ZDHHC24: variants seen among roughly 807,000 people sequenced by gnomAD.
ZDHHC24 encodes the protein probable palmitoyltransferase ZDHHC24.
Under a neutral mutation model 23.2 loss-of-function variants are expected in ZDHHC24, and 17 were observed. The observed-to-expected ratio is 0.73, with a 90% CI of 0.50 to 1.10. The LOEUF is 1.10. Ranked by LOEUF, ZDHHC24 falls within the 50% of genes least tolerant of loss-of-function variation. ZDHHC24 has a pLI of 0.00. For missense variants in ZDHHC24, 366 were observed against 393.0 expected, an observed-to-expected ratio of 0.93 and a Z score of 0.58; for synonymous variants, 186 against 194.5, an observed-to-expected ratio of 0.96 and a Z score of 0.36.
intron 4 of ZDHHC24, chr11:66,521,684 TCA>T (rs1856225036): frequency 2.5e-5 from 9 of 366,756 alleles, no homozygotes; most frequent in Admixed American, 1.5e-4. Flanking sequence ...GGCAAGCGGA[TCA>T]CCTGAGGTCA....
In ZDHHC24 at chr11:66,545,999, C is replaced by T. The variant is rs1857316332; in HGVS notation, c.5G>A (p.Gly2Glu). Residue 2 changes from glycine (G) to glutamate (E), a missense_variant, in exon 1 of 3, where the codon GGG (glycine) becomes GAG (glutamate). By Grantham distance (98) the Gly-to-Glu change is moderately conservative (BLOSUM62 -2). Coordinates refer to ENST00000310442, the MANE Select transcript of ZDHHC24 (RefSeq NM_207340.3). The surrounding 1 kb of genome is among the most constrained non-coding windows in gnomAD (Gnocchi z 4.5). ...CGTGCTCCCAGCCGCCCAGGGCTGC[C>T]CCATGGCCTGGACACCCAGCTGTCG... Reference protein sequence around the residue: MGQPWAAGSTDG... With the variant: MEQPWAAGSTDG... 2.1e-6 allele frequency: 3 copies of T among 1,395,938 alleles called. No individual in the cohort carries two copies. Among genetic ancestry groups the T allele is most frequent in the Non-Finnish European group, 2.8e-6 (3 of 1,086,544 alleles). 86.5% of individuals were successfully genotyped at this position (1,395,938 alleles called of 1,614,324 possible). A position where few individuals can be genotyped will look rare whatever the true frequency, so the allele number is the denominator to read the frequency against.
exon 3 of ZDHHC24, chr11:66,529,427 C>G (rs1225985416): frequency 5.4e-6 from 5 of 930,022 alleles, no homozygotes; most frequent in Admixed American, 2.0e-5. Flanking sequence ...TGCACAATAT[C>G]GAGCGTGGAC....
At chr11:66,534,218 G>A (rs1022521268), downstream of ZDHHC24, among the ~76,000 whole-genome samples, 4 of 151,206 alleles carry the variant, frequency 2.6e-5, no homozygotes, top group African/African-American at 9.7e-5. Context: ...GCCGAGGCAG[G>A]CAGATCACAA....
rs775767045 is a variant in ZDHHC24, at chr11:66,539,548, A to G, written c.836T>C (p.Val279Ala). The G allele has an allele frequency of 6.3e-7, 1 of 1,582,798 alleles. No individual in the cohort carries two copies. The highest frequency in any genetic ancestry group is 2.2e-5 in the East Asian group (1 of 44,456). Residue 279 changes from valine (V) to alanine (A), a missense_variant, in exon 3 of 3, where the codon GTG (valine) becomes GCG (alanine). By Grantham distance (64) the Val-to-Ala change is moderately conservative (BLOSUM62 0). Transcript: ENST00000310442. ...DGITFQTTAD[V>A]GHTAS ...CTGGAGTCAGGAGGCTGTGTGTCCCACATCTGCTGTGGTCTGGAAGGTGAT... is the reference window on the plus strand; with the variant it reads ...CTGGAGTCAGGAGGCTGTGTGTCCCGCATCTGCTGTGGTCTGGAAGGTGAT...
intron 4 of ZDHHC24, chr11:66,526,674 G>A: frequency 2.5e-6 from 4 of 1,614,204 alleles, no homozygotes; most frequent in Non-Finnish European, 2.5e-6. Context: ...TCAAGATCCT[G>A]AAGCGTACAG....
chr11:66,531,566 C>A, downstream of ZDHHC24: 1 of 1,547,180 alleles, frequency 6.5e-7, no homozygotes, highest in Non-Finnish European at 8.9e-7. Context: ...GGTGCTGAGG[C>A]TCAGTGGAGA....
At position 66,545,420 on chromosome 11, in the gene ZDHHC24, A is replaced by G. The variant is rs529629673; in HGVS notation, c.281+303T>C. On this transcript the variant is annotated intron_variant, in intron 1 of 2. Transcript: ENST00000310442. This position sits in a 1 kb window ranked among gnomAD's most constrained non-coding sequence, Gnocchi z 4.5. ...TTCCAAACTACTATCACCTTCTAGCATTCTATATGATTTGCTTATTATTCC... is the reference window on the plus strand; with the variant it reads ...TTCCAAACTACTATCACCTTCTAGCGTTCTATATGATTTGCTTATTATTCC... 1.5e-4 allele frequency among the ~76,000 whole-genome samples: 23 copies of G among 152,228 alleles called. No homozygotes were observed. The highest frequency in any genetic ancestry group is 6.8e-3 in the Middle Eastern group (2 of 294).
intron 4 of ZDHHC24, chr11:66,526,615 A>T: frequency 6.2e-7 from 1 of 1,614,008 alleles, no homozygotes; most frequent in Non-Finnish European, 8.5e-7. Context: ...AGAACTGGGG[A>T]GGACAAATCC....
chr11:66,541,971 G>A (rs1457037483), intron 2 of ZDHHC24, among the ~76,000 whole-genome samples: 1 of 151,952 alleles, frequency 6.6e-6, no homozygotes, highest in Admixed American at 6.6e-5. Context: ...TGGCAAACCA[G>A]GAGGGCAGAG....
At chr11:66,527,825 G>A (rs1856586937) in intron 3 of ZDHHC24, 1 of 152,336 alleles carries the variant, frequency 6.6e-6, no homozygotes, top group African/African-American at 2.4e-5. Context: ...GGAAGCTTGG[G>A]AAAGGCTTCA....
chr11:66,539,697 C>A lies in ZDHHC24; in HGVS notation c.687G>T (p.Glu229Asp). ...CATAGGAGTGCTGGCCCCGAGCCCA[C>A]TCCCATGTGGTCTGGCCCCGCAGCA... ...MLLLRGQTTW[E>D]WARGQHSYDL... Residue 229 changes from glutamate to aspartate, a missense_variant, in exon 3 of 3, where the codon GAG becomes GAT. Transcript: ENST00000310442. The A allele has an allele frequency of 1.2e-6, 2 of 1,612,236 alleles. No individual in the cohort carries two copies. The highest frequency in any genetic ancestry group is 1.7e-6 in the Non-Finnish European group (2 of 1,179,774).
chr11:66,533,196 A>T (rs1056413408), downstream of ZDHHC24: 2 of 152,252 alleles, frequency 1.3e-5, no homozygotes, highest in African/African-American at 4.8e-5. Context: ...CAGTGCACAC[A>T]CTAGAGAGAA....
intron 2 of ZDHHC24, 31 bp from the exon 3 acceptor site, chr11:66,539,855 G>T (rs921711704): frequency 5.2e-6 from 8 of 1,526,014 alleles, no homozygotes; most frequent in Non-Finnish European, 6.2e-6. Flanking sequence ...GGGTCAGGGA[G>T]GGGCAGTGGG....
intron 2 of ZDHHC24, among the ~76,000 whole-genome samples, chr11:66,540,838 G>T (rs1590793816): frequency 6.6e-6 from 1 of 152,132 alleles, no homozygotes; most frequent in Non-Finnish European, 1.5e-5. Context: ...ACTACGAGAG[G>T]CCATGAAATG....
downstream of ZDHHC24, chr11:66,532,180 C>T (rs542542210): frequency 2.3e-6 from 2 of 871,772 alleles, no homozygotes; most frequent in East Asian, 2.7e-5. Context: ...TCCTCACCAC[C>T]CCCACTGTTG....
chr11:66,526,273 G>A, intron 4 of ZDHHC24: 2 of 1,409,198 alleles, frequency 1.4e-6, no homozygotes, highest in African/African-American at 1.4e-5. Flanking sequence ...AGGAGGAGGT[G>A]GAAATGAAGC....
In ZDHHC24 at chr11:66,526,781, C is replaced by G. The variant is rs199711874; in HGVS notation, c.*21+155G>C. The G allele has an allele frequency of 2.4e-4, 389 of 1,614,128 alleles. No homozygotes were observed. Among genetic ancestry groups the G allele is most frequent in the Non-Finnish European group, 3.1e-4 (367 of 1,180,052 alleles). ...AAGACCCGGCTTTACGTGGATCAGA[C>G]ACTGCGAGAGCGGGAGGCTGGCACC... On this transcript the variant is annotated intron_variant, in intron 4 of 4. Transcript: ENST00000526986.
intron 4 of ZDHHC24, chr11:66,526,584 A>G: frequency 1.2e-6 from 2 of 1,605,580 alleles, no homozygotes; most frequent in African/African-American, 1.3e-5. Context: ...TGTTTGGGGA[A>G]GAAAGAATGG....
chr11:66,544,564 T>C (rs982060509), intron 1 of ZDHHC24, among the ~76,000 whole-genome samples: 1 of 152,206 alleles, frequency 6.6e-6, no homozygotes, highest in African/African-American at 2.4e-5. Flanking sequence ...TCAGAGCCTT[T>C]GCACCACTTG....
Sources: allele counts gnomAD v4.1 joint callset (sites outside exome capture counted in the v4.1 genomes callset), GRCh38; gene constraint gnomAD v4.1.1; non-coding constraint Gnocchi (gnomAD v3.1); transcripts MANE v1.5; gene names NCBI Gene and HGNC (gene_info 2026-07-23, HGNC 2026-07-21).